CSTPP1: variants seen among roughly 807,000 people sequenced by gnomAD.
CSTPP1 encodes the protein UPF0705 protein C11orf49.
chr11:47,054,714 G>A, the CSTPP1 span, among the ~76,000 whole-genome samples: 2 of 152,144 alleles, frequency 1.3e-5, no homozygotes, highest in African/African-American at 4.8e-5. Flanking sequence ...GAACATAGAA[G>A]TCTGGTAGTA....
the CSTPP1 span, among the ~76,000 whole-genome samples, chr11:47,016,401 A>C: frequency 7.6e-4 from 113 of 149,144 alleles, no homozygotes; most frequent in Non-Finnish European, 1.1e-3. Flanking sequence ...AAAAAACAAA[A>C]AACAAAAAAC....
the CSTPP1 span, among the ~76,000 whole-genome samples, chr11:47,064,668 T>C: frequency 6.6e-6 from 1 of 152,196 alleles, no homozygotes; most frequent in Non-Finnish European, 1.5e-5. Flanking sequence ...TTACATTCTC[T>C]TTTGTTGGTT....
the CSTPP1 span, among the ~76,000 whole-genome samples, chr11:47,122,078 AAAAAAAAAAAAAAATATAT>A: frequency 1.1e-5 from 1 of 90,470 alleles, no homozygotes; most frequent in Admixed American, 1.2e-4. Context: ...TCAAAAAAAA[AAAAAAAAAAAAAAATATAT>A]ATATATATAT....
the CSTPP1 span, among the ~76,000 whole-genome samples, chr11:47,083,072 C>G: frequency 2.7e-5 from 4 of 149,148 alleles, no homozygotes; most frequent in Non-Finnish European, 5.9e-5. Flanking sequence ...ATGTGTTGTT[C>G]CCCTCCCTGT....
the CSTPP1 span, among the ~76,000 whole-genome samples, chr11:46,956,887 T>C: frequency 2.6e-5 from 4 of 151,632 alleles, no homozygotes; most frequent in Non-Finnish European, 5.9e-5. Context: ...GTGAAAATTA[T>C]ACATATGTAT....
At chr11:47,002,409 A>C in the CSTPP1 span, among the ~76,000 whole-genome samples, 1 of 152,220 alleles carries the variant, frequency 6.6e-6, no homozygotes, top group Non-Finnish European at 1.5e-5. Context: ...AGGGTCATTG[A>C]GGATGCAAGA....
At chr11:47,031,477 A>G in the CSTPP1 span, among the ~76,000 whole-genome samples, 1 of 152,162 alleles carries the variant, frequency 6.6e-6, no homozygotes, top group Non-Finnish European at 1.5e-5. Context: ...GGATTGCTTT[A>G]GCTCAGGAGT....
chr11:47,139,783 G>A, the CSTPP1 span, among the ~76,000 whole-genome samples: 1 of 152,104 alleles, frequency 6.6e-6, no homozygotes, highest in Non-Finnish European at 1.5e-5. Flanking sequence ...TGACAATGTT[G>A]TGCGAATATA....
the CSTPP1 span, among the ~76,000 whole-genome samples, chr11:47,023,104 T>C: frequency 2.0e-5 from 3 of 152,150 alleles, no homozygotes; most frequent in African/African-American, 7.2e-5. Flanking sequence ...CTGTCCTTGG[T>C]TCACATTTTC....
the CSTPP1 span, among the ~76,000 whole-genome samples, chr11:46,947,605 G>A: frequency 6.6e-6 from 1 of 152,180 alleles, no homozygotes; most frequent in Non-Finnish European, 1.5e-5. Context: ...GTTTGAGACA[G>A]CACTTTCAGA....
At chr11:47,162,821 C>T in the CSTPP1 span, among the ~76,000 whole-genome samples, 2 of 152,132 alleles carry the variant, frequency 1.3e-5, no homozygotes, top group African/African-American at 4.8e-5. Context: ...CTACCCAGAA[C>T]GGATCATTAC....
chr11:46,980,589 C>A, the CSTPP1 span, among the ~76,000 whole-genome samples: 1 of 151,952 alleles, frequency 6.6e-6, no homozygotes, highest in South Asian at 2.1e-4. Context: ...GTAGAGAAGG[C>A]CTTTTTGAAT....
the CSTPP1 span, among the ~76,000 whole-genome samples, chr11:47,094,545 C>T: frequency 0.98 from 149,942 of 152,254 alleles, 73,877 homozygotes; most frequent in Middle Eastern, 1. Flanking sequence ...TTGATGGTAG[C>T]GGTGATTTCA....
At chr11:47,016,595 T>G in the CSTPP1 span, among the ~76,000 whole-genome samples, 7 of 152,196 alleles carry the variant, frequency 4.6e-5, no homozygotes, top group African/African-American at 1.7e-4. Context: ...AGGTTTACAC[T>G]GAAAATTACA....
the CSTPP1 span, chr11:47,155,339 G>A: frequency 8.6e-6 from 11 of 1,276,712 alleles, no homozygotes; most frequent in Non-Finnish European, 1.3e-5. Flanking sequence ...GCCCATCTGT[G>A]TGCCTGGCAC....
chr11:47,137,833 G>T, the CSTPP1 span: 14 of 1,140,202 alleles, frequency 1.2e-5, no homozygotes, highest in Admixed American at 2.1e-5. Context: ...ATTTAGGGAA[G>T]AAACTGGCAG....
the CSTPP1 span, chr11:47,160,525 G>A: frequency 6.5e-6 from 1 of 153,324 alleles, no homozygotes; most frequent in African/African-American, 2.4e-5. Flanking sequence ...AGGGTTCTAT[G>A]AGATGTACTT....
the CSTPP1 span, among the ~76,000 whole-genome samples, chr11:47,102,286 C>A: frequency 6.6e-6 from 1 of 151,484 alleles, no homozygotes; most frequent in African/African-American, 2.4e-5. Flanking sequence ...ACAAAGATGT[C>A]TTTTTTTTCT....
At chr11:47,108,055 C>G in the CSTPP1 span, among the ~76,000 whole-genome samples, 1 of 152,244 alleles carries the variant, frequency 6.6e-6, no homozygotes, top group Non-Finnish European at 1.5e-5. Flanking sequence ...ATAGAGGCAT[C>G]CAGTATATTG....
Sources: allele counts gnomAD v4.1 joint callset (sites outside exome capture counted in the v4.1 genomes callset), GRCh38; gene constraint gnomAD v4.1.1; transcripts MANE v1.5; gene names NCBI Gene and HGNC (gene_info 2026-07-23, HGNC 2026-07-21).